Variants in SLC7A11 observed in about 807,000 individuals in gnomAD.
SLC7A11 encodes the protein solute carrier family 7 member 11.
SLC7A11 carries 35 observed loss-of-function variants against 54.5 expected under a neutral mutation model. The observed-to-expected ratio is 0.64, with a 90% CI of 0.49 to 0.85. SLC7A11 has a LOEUF of 0.85. SLC7A11 is among the 40% of genes least tolerant of loss of function. The pLI is 0.00. For missense variants in SLC7A11, 583 were observed against 618.1 expected, an observed-to-expected ratio of 0.94 and a Z score of 0.60; for synonymous variants, 230 against 225.2, an observed-to-expected ratio of 1.02 and a Z score of -0.19.
intron 4 of SLC7A11, among the ~76,000 whole-genome samples, chr4:138,220,713 C>CA (rs1462148740): frequency 6.6e-6 from 1 of 152,004 alleles, no homozygotes; most frequent in Non-Finnish European, 1.5e-5. Flanking sequence ...TGAGATTACC[C>CA]AAATGGGAAG....
rs2148404189 is a variant in SLC7A11, at chr4:138,169,568, TG to T, written c.*2387del. On this transcript the variant is annotated 3_prime_UTR_variant, in exon 12 of 12. Coordinates refer to ENST00000280612, the MANE Select transcript of SLC7A11 (RefSeq NM_014331.4). ...AATCAAAAATAAATAAATTAAAGTCTGAGACCAATTTGCCACTGTGAATATA... is the reference window on the plus strand; with the variant it reads ...AATCAAAAATAAATAAATTAAAGTCTAGACCAATTTGCCACTGTGAATATA... The T allele has an allele frequency of 6.6e-6, 1 of 152,248 alleles. No homozygotes were observed. The highest frequency in any genetic ancestry group is 1.5e-5 in the Non-Finnish European group (1 of 67,996). The allele number at this position is 152,248 out of a possible 1,614,324, so 9.4% of individuals were successfully genotyped here.
chr4:138,190,233 G>A (rs1736976676), intron 6 of SLC7A11, among the ~76,000 whole-genome samples: 1 of 151,620 alleles, frequency 6.6e-6, no homozygotes, highest in African/African-American at 2.4e-5. Flanking sequence ...AAATGTACTT[G>A]GCATTCAGAA....
Position 138,171,923 on chromosome 4 carries a change from TG to T in SLC7A11, c.*32del. The T allele has an allele frequency of 3.8e-6, 6 of 1,572,310 alleles. No homozygotes were observed. Among genetic ancestry groups the T allele is most frequent in the Non-Finnish European group, 5.1e-6 (6 of 1,166,406 alleles). On this transcript the variant is annotated 3_prime_UTR_variant, in exon 12 of 12. Coordinates refer to ENST00000280612, the MANE Select transcript of SLC7A11 (RefSeq NM_014331.4). The stretch of plus-strand genomic sequence containing the variant: ...AAAATCCCTATTTTGTGTCTCCCCT[TG>T]GGCAGATTGCCAAGATCTCAAGTCC...
rs1254749335 is a variant in SLC7A11, at chr4:138,173,251, CTTTCATCTGGACA to C, written c.1445-1247_1445-1235del. Among the ~76,000 whole-genome samples, 3 of 152,266 alleles carry C rather than the reference CTTTCATCTGGACA, an allele frequency of 2.0e-5. No individual in the cohort carries two copies. In the East Asian group the frequency reaches 5.8e-4, roughly 29 times the overall value. ...CTTGATGGTTTCAGGCCCAGATAGT[CTTTCATCTGGACA>C]TAGAGTCTTTCTCCTCATTCATGGC... is the stretch of plus-strand genomic sequence containing the variant. On this transcript the variant is annotated intron_variant, in intron 11 of 11. Coordinates refer to ENST00000280612, the MANE Select transcript of SLC7A11 (RefSeq NM_014331.4).
intron 5 of SLC7A11, among the ~76,000 whole-genome samples, chr4:138,218,298 G>T (rs796829263): frequency 7.2e-5 from 11 of 152,174 alleles, no homozygotes; most frequent in African/African-American, 2.6e-4. Context: ...TTACTTCCAG[G>T]CTCATAGATC....
chr4:138,212,791 T>A (rs12648155), intron 6 of SLC7A11, among the ~76,000 whole-genome samples: 1 of 151,530 alleles, frequency 6.6e-6, no homozygotes, highest in Non-Finnish European at 1.5e-5. Flanking sequence ...TTAAAGATAA[T>A]ATGAATTATA....
At chr4:138,191,385 A>G (rs1737010098) in intron 6 of SLC7A11, among the ~76,000 whole-genome samples, 1 of 152,174 alleles carries the variant, frequency 6.6e-6, no homozygotes, top group African/African-American at 2.4e-5. Context: ...ACAGATGAAG[A>G]ACTCCATAAA....
intron 6 of SLC7A11, among the ~76,000 whole-genome samples, chr4:138,200,695 C>T (rs557260068): frequency 1.3e-5 from 2 of 152,170 alleles, no homozygotes; most frequent in East Asian, 3.9e-4. Context: ...GTTAGCTTCA[C>T]AATAAAAGGG....
intron 6 of SLC7A11, among the ~76,000 whole-genome samples, chr4:138,187,506 G>C (rs1736907058): frequency 6.6e-6 from 1 of 152,076 alleles, no homozygotes; most frequent in African/African-American, 2.4e-5. Context: ...CAGAATTCAG[G>C]TGCATACACA....
At chr4:138,219,941 C>CTTTTTTTTTTTTTTTTTTTTTTT (rs5862370) in intron 4 of SLC7A11, among the ~76,000 whole-genome samples, 1 of 143,524 alleles carries the variant, frequency 7.0e-6, no homozygotes, top group Non-Finnish European at 1.5e-5. Flanking sequence ...GCAAGCCTTT[C>CTTTTTTTTTTTTTTTTTTTTTTT]TTTTTTTATT....
chr4:138,194,571 C>T (rs1442316339), intron 6 of SLC7A11, among the ~76,000 whole-genome samples: 1 of 152,134 alleles, frequency 6.6e-6, no homozygotes, highest in Non-Finnish European at 1.5e-5. Flanking sequence ...TTGCTTCCAT[C>T]ATTTCCCTCA....
intron 6 of SLC7A11, 59 bp from the exon 7 acceptor site, chr4:138,185,303 G>A (rs927166438): frequency 1.1e-5 from 18 of 1,568,102 alleles, no homozygotes; most frequent in African/African-American, 8.1e-5. Context: ...CTCTGATACC[G>A]AAGAAAATAA....
chr4:138,220,895 A>T (rs1737794598), intron 4 of SLC7A11, among the ~76,000 whole-genome samples: 1 of 152,206 alleles, frequency 6.6e-6, no homozygotes, highest in Non-Finnish European at 1.5e-5. Context: ...AAGACCAAAA[A>T]TGGAGAATGT....
intron 2 of SLC7A11, among the ~76,000 whole-genome samples, chr4:138,234,020 C>T (rs187620436): frequency 1.3e-5 from 2 of 152,312 alleles, no homozygotes; most frequent in Admixed American, 6.5e-5. Flanking sequence ...AAGCCCTTGG[C>T]CTGTCTTCCA....
intron 6 of SLC7A11, among the ~76,000 whole-genome samples, chr4:138,186,186 C>T (rs918441558): frequency 6.6e-5 from 10 of 152,148 alleles, no homozygotes; most frequent in Non-Finnish European, 1.3e-4. Flanking sequence ...CCTCTTCAGA[C>T]TCTCTCCAGT....
chr4:138,186,179 C>A (rs1001232814), intron 6 of SLC7A11, among the ~76,000 whole-genome samples: 6 of 152,146 alleles, frequency 3.9e-5, no homozygotes, highest in African/African-American at 1.4e-4. Flanking sequence ...ATAATCGCCT[C>A]TTCAGACTCT....
intron 6 of SLC7A11, among the ~76,000 whole-genome samples, chr4:138,198,098 AT>A (rs1737184622): frequency 6.6e-6 from 1 of 151,430 alleles, no homozygotes; most frequent in South Asian, 2.1e-4. Context: ...TAAAAAAAAA[AT>A]CCATTCCAGA....
intron 4 of SLC7A11, 134 bp downstream of exon 4, chr4:138,223,065 T>C: frequency 1.4e-6 from 1 of 733,412 alleles, no homozygotes; most frequent in South Asian, 2.3e-5. Context: ...TCAAATCAAT[T>C]AGATGACAAT....
At chr4:138,219,587 T>C (rs1737759644) in intron 4 of SLC7A11, among the ~76,000 whole-genome samples, 1 of 152,174 alleles carries the variant, frequency 6.6e-6, no homozygotes, top group Non-Finnish European at 1.5e-5. Flanking sequence ...AATAAATTTA[T>C]AACAAAGATG....
Sources: gnomAD v4.1 joint callset for allele counts (sites outside exome capture counted in the v4.1 genomes callset) on GRCh38, gnomAD v4.1.1 for gene constraint, MANE v1.5 for transcripts, NCBI Gene and HGNC (gene_info 2026-07-23, HGNC 2026-07-21) for gene names.